GRM7: variants seen among roughly 807,000 people sequenced by gnomAD.
GRM7 encodes the protein metabotropic glutamate receptor 7.
In GRM7, 35 loss-of-function variants were observed where a neutral mutation model predicts 84.5. The observed-to-expected ratio is 0.41, with a 90% CI of 0.32 to 0.55. GRM7 has a LOEUF of 0.55. Among genes scored for constraint, GRM7 ranks in the 20% least tolerant of loss-of-function variants. The pLI is 0.19. For synonymous variants in GRM7, 487 were observed against 455.1 expected, an observed-to-expected ratio of 1.07 and a Z score of -0.89; for missense variants, 1,003 against 1,194.6, an observed-to-expected ratio of 0.84 and a Z score of 2.36.
intron 1 of GRM7, among the ~76,000 whole-genome samples, chr3:7,098,343 A>G (rs1452080894): frequency 6.6e-6 from 1 of 152,086 alleles, no homozygotes; most frequent in Non-Finnish European, 1.5e-5. Context: ...AATATGGGTT[A>G]GGGTAACTTG....
At chr3:7,337,305 A>G (rs1249974965) in intron 4 of GRM7, among the ~76,000 whole-genome samples, 5 of 152,128 alleles carry the variant, frequency 3.3e-5, no homozygotes, top group Admixed American at 3.3e-4. Flanking sequence ...CTAACCATAC[A>G]AATTCTAGAA....
At chr3:7,070,469 A>T (rs1055790425) in intron 1 of GRM7, among the ~76,000 whole-genome samples, 19 of 152,134 alleles carry the variant, frequency 1.2e-4, no homozygotes, top group Non-Finnish European at 7.4e-5. Context: ...ACTTATTTTT[A>T]TTTAATCATT....
chr3:7,532,390 T>G (rs139185915), intron 7 of GRM7, among the ~76,000 whole-genome samples: 147 of 152,282 alleles, frequency 9.7e-4, no homozygotes, highest in East Asian at 2.7e-3. Flanking sequence ...TCTTCTAGAT[T>G]TCCTAGTTTA....
At chr3:7,718,998 T>C (rs1347903690) in intron 9 of GRM7, among the ~76,000 whole-genome samples, 1 of 152,230 alleles carries the variant, frequency 6.6e-6, no homozygotes. Flanking sequence ...ATTGGAGATT[T>C]GGTAAATATT....
intron 2 of GRM7, among the ~76,000 whole-genome samples, chr3:7,169,581 G>C (rs534649669): frequency 1.3e-5 from 2 of 152,316 alleles, no homozygotes; most frequent in African/African-American, 4.8e-5. Context: ...AGCACATAGC[G>C]ATGAAGGCAG....
chr3:6,925,950 G>A (rs1427427125), intron 1 of GRM7, among the ~76,000 whole-genome samples: 2 of 152,036 alleles, frequency 1.3e-5, no homozygotes, highest in African/African-American at 4.8e-5. Context: ...TCACCATTTT[G>A]TTTATCCCTG....
intron 4 of GRM7, among the ~76,000 whole-genome samples, chr3:7,341,964 T>C (rs1358658452): frequency 1.3e-5 from 2 of 152,116 alleles, no homozygotes; most frequent in Non-Finnish European, 2.9e-5. Context: ...GTTAACATTA[T>C]AGATCATATT....
At position 7,055,732 on chromosome 3, in the gene GRM7, G is replaced by A. The variant is rs566390820; in HGVS notation, c.520-90720G>A. On this transcript the variant is annotated intron_variant, in intron 1 of 9. Coordinates refer to ENST00000357716, the MANE Select transcript of GRM7 (RefSeq NM_000844.4). ...GACAGGATTTCACCATGTTTGCTAC[G>A]CTGATCCGAAACTCCTGGCCTCAAA... Among the ~76,000 whole-genome samples, 100 of 151,920 alleles carry A rather than the reference G, an allele frequency of 6.6e-4. 1 individual carries two copies. Among genetic ancestry groups the A allele is most frequent in the Non-Finnish European group, 1.1e-3 (78 of 67,918 alleles).
At chr3:7,255,824 G>T (rs1324925057) in intron 2 of GRM7, among the ~76,000 whole-genome samples, 2 of 152,164 alleles carry the variant, frequency 1.3e-5, no homozygotes, top group African/African-American at 4.8e-5. Context: ...TACTCAACTG[G>T]ATTACTGTAA....
intron 5 of GRM7, among the ~76,000 whole-genome samples, chr3:7,431,539 G>T (rs1696830401): frequency 6.6e-6 from 1 of 152,126 alleles, no homozygotes; most frequent in Non-Finnish European, 1.5e-5. Context: ...TCACACATTG[G>T]ACTGAGAGCC....
At chr3:7,548,303 C>G (rs561875018) in intron 7 of GRM7, among the ~76,000 whole-genome samples, 8 of 152,328 alleles carry the variant, frequency 5.3e-5, no homozygotes, top group African/African-American at 1.7e-4. Flanking sequence ...TGCTCCCTCT[C>G]TTACCATGGG....
intron 9 of GRM7, among the ~76,000 whole-genome samples, chr3:7,707,003 T>C (rs1342536270): frequency 6.6e-6 from 1 of 151,986 alleles, no homozygotes; most frequent in Non-Finnish European, 1.5e-5. Flanking sequence ...AAAAAAATGA[T>C]TTATGTGACT....
chr3:7,282,818 A>G (rs1164673351), intron 2 of GRM7, among the ~76,000 whole-genome samples: 1 of 152,204 alleles, frequency 6.6e-6, no homozygotes, highest in African/African-American at 2.4e-5. Flanking sequence ...CAAATGTGTT[A>G]GATTGCAGTA....
chr3:7,305,343 C>CTTTTTTTTTTTT (rs1258984449), intron 3 of GRM7, among the ~76,000 whole-genome samples: 6 of 34,982 alleles, frequency 1.7e-4, no homozygotes, highest in East Asian at 7.7e-4. Flanking sequence ...TTTTTTTTTT[C>CTTTTTTTTTTTT]TTTTTTTTTT....
At chr3:7,053,054 C>T (rs1176342885) in intron 1 of GRM7, among the ~76,000 whole-genome samples, 2 of 148,352 alleles carry the variant, frequency 1.3e-5, no homozygotes, top group East Asian at 3.9e-4. Flanking sequence ...CTCAATGACA[C>T]TTAGTCTTTT....
chr3:7,271,931 C>G (rs950990994), intron 2 of GRM7, among the ~76,000 whole-genome samples: 4 of 152,018 alleles, frequency 2.6e-5, no homozygotes, highest in East Asian at 1.9e-4. Context: ...TTAACGGGGT[C>G]TTTCTAAGCC....
At chr3:7,126,209 A>T (rs1693394459) in intron 1 of GRM7, among the ~76,000 whole-genome samples, 1 of 152,190 alleles carries the variant, frequency 6.6e-6, no homozygotes, top group Non-Finnish European at 1.5e-5. Flanking sequence ...AACTTGAATA[A>T]TAATAGGCCA....
chr3:7,033,557 T>G (rs909255834), intron 1 of GRM7, among the ~76,000 whole-genome samples: 4 of 152,196 alleles, frequency 2.6e-5, no homozygotes, highest in African/African-American at 9.7e-5. Flanking sequence ...TGAAACCTAC[T>G]TCCTTCCAAA....
chr3:7,701,260 T>C (rs955933486), intron 9 of GRM7, among the ~76,000 whole-genome samples: 1 of 151,138 alleles, frequency 6.6e-6, no homozygotes, highest in Non-Finnish European at 1.5e-5. Flanking sequence ...ACTGGAGGCC[T>C]GGTTTTGGAA....
Sources: allele counts gnomAD v4.1 joint callset (sites outside exome capture counted in the v4.1 genomes callset), GRCh38; gene constraint gnomAD v4.1.1; transcripts MANE v1.5; gene names NCBI Gene and HGNC (gene_info 2026-07-23, HGNC 2026-07-21).